The following ARSB variants were observed in gnomAD, a reference collection of about 807,000 sequenced individuals.
ARSB encodes N-acetylgalactosamine-4-sulfatase.
ARSB carries 41 observed loss-of-function variants against 50.9 expected under a neutral mutation model. That is an observed-to-expected ratio of 0.81 (90% CI 0.63 to 1.04). The LOEUF (loss-of-function observed/expected upper bound fraction) is 1.04, where lower values mean the gene tolerates loss of function less well. Ranked by LOEUF, ARSB falls within the 50% of genes least tolerant of loss-of-function variation. The pLI is 0.00. For missense variants in ARSB, 672 were observed against 693.3 expected, an observed-to-expected ratio of 0.97 and a Z score of 0.35; for synonymous variants, 269 against 284.8, an observed-to-expected ratio of 0.94 and a Z score of 0.56.
rs118203942 is a variant in ARSB at position 78,984,965 on chromosome 5, C to G, written c.284G>C (p.Arg95Pro). 2 of 1,488,542 alleles carry G rather than the reference C, an allele frequency of 1.3e-6. No homozygotes were observed. The highest frequency in any genetic ancestry group is 1.3e-5 in the South Asian group (1 of 75,108). The allele number at this position is 1,488,542 out of a possible 1,614,324, so 92.2% of individuals were successfully genotyped here. Residue 95 changes from arginine (R) to proline (P), a missense_variant, in exon 1 of 8, where the codon CGG (arginine) becomes CCG (proline). Physicochemically the swap from Arg to Pro is moderately radical, Grantham distance 103. Coordinates refer to ENST00000264914, the MANE Select transcript of ARSB (RefSeq NM_000046.5). Reference sequence around the variant, plus strand: ...GTAGCGGCCAGTGAGCAGCTGGCTCCGCGACGGCGTGCACAGCGGCTGCGT... The same window carrying G: ...GTAGCGGCCAGTGAGCAGCTGGCTCGGCGACGGCGTGCACAGCGGCTGCGT... ...YYTQPLCTPS[R>P]SQLLTGRYQI...
intron 6 of ARSB, among the ~76,000 whole-genome samples, chr5:78,833,153 A>C (rs1744771114): frequency 6.6e-6 from 1 of 152,046 alleles, no homozygotes; most frequent in South Asian, 2.1e-4. Context: ...TTGGGGCTGG[A>C]GCTCTCCTTG....
intron 6 of ARSB, among the ~76,000 whole-genome samples, chr5:78,799,048 A>C (rs756355089): frequency 4.6e-5 from 7 of 152,242 alleles, no homozygotes; most frequent in Non-Finnish European, 7.3e-5. Context: ...TATTTTGAGA[A>C]GTTATCAGGG....
chr5:78,924,683 T>C (rs914967886), intron 4 of ARSB, among the ~76,000 whole-genome samples: 1 of 152,240 alleles, frequency 6.6e-6, no homozygotes, highest in Non-Finnish European at 1.5e-5. Flanking sequence ...CCTCATGTAT[T>C]CTTTGAGTTA....
At chr5:78,799,315 T>C (rs1018859571) in intron 6 of ARSB, among the ~76,000 whole-genome samples, 3 of 152,216 alleles carry the variant, frequency 2.0e-5, no homozygotes, top group Non-Finnish European at 4.4e-5. Context: ...ACAGACATTC[T>C]GAGATTGCTG....
chr5:78,898,665 T>G (rs1435803096), intron 4 of ARSB, among the ~76,000 whole-genome samples: 1 of 152,244 alleles, frequency 6.6e-6, no homozygotes. Context: ...ACAAGTCTGA[T>G]GCAGGTCTCA....
chr5:78,818,598 C>CTTTTTTTTTTTTTTT, intron 6 of ARSB, among the ~76,000 whole-genome samples: 1 of 74,170 alleles, frequency 1.3e-5, no homozygotes, highest in Non-Finnish European at 2.4e-5. Context: ...AAATAAAGCT[C>CTTTTTTTTTTTTTTT]TTTTTTTTTT....
At chr5:78,917,740 T>A (rs1455497557) in intron 4 of ARSB, among the ~76,000 whole-genome samples, 2 of 152,216 alleles carry the variant, frequency 1.3e-5, no homozygotes, top group African/African-American at 2.4e-5. Context: ...CTCGAATTCC[T>A]AACCTCAAGT....
chr5:78,796,861 C>T lies in ARSB; in HGVS notation c.1214-14887G>A, dbSNP rs191597999. On this transcript the variant is annotated intron_variant, in intron 6 of 7. Coordinates refer to ENST00000264914, the MANE Select transcript of ARSB (RefSeq NM_000046.5). ...TAGAGACGGGGTTTCACCATGTTGG[C>T]CAGGATGGTCTCGATCTCTTTTTTT... Among the ~76,000 whole-genome samples the T allele has an allele frequency of 3.5e-3, 516 of 148,556 alleles. 2 individuals carry two copies. The highest frequency in any genetic ancestry group is 0.012 in the African/African-American group (492 of 39,828).
At position 78,885,692 on chromosome 5, in the gene ARSB, C is replaced by A. The variant is rs148067062; in HGVS notation, c.1034G>T (p.Arg345Leu). The A allele has an allele frequency of 5.0e-6, 8 of 1,614,036 alleles. No homozygotes were observed. Among genetic ancestry groups the A allele is most frequent in the Admixed American group, 1.7e-5 (1 of 59,992 alleles). The change falls in exon 5 of 8, where the codon CGG becomes CTG. Residue 345 changes from arginine to leucine, a missense_variant. By Grantham distance (102) the Arg-to-Leu change is moderately radical. Transcript: ENST00000264914. ...PLLKQKGVKN[R>L]ELIHISDWLP... ...CCAGTCAGAGATGTGGATGAGCTCC[C>A]GGTTCTTCACGCCCTTCTGCTTCAG...
intron 5 of ARSB, among the ~76,000 whole-genome samples, chr5:78,849,654 T>C (rs1581037931): frequency 6.6e-6 from 1 of 150,638 alleles, no homozygotes; most frequent in Non-Finnish European, 1.5e-5. Context: ...CCTTGGGCAG[T>C]ATGGCCATTT....
At chr5:78,936,830 T>A (rs1287357452) in intron 4 of ARSB, among the ~76,000 whole-genome samples, 1 of 152,122 alleles carries the variant, frequency 6.6e-6, no homozygotes, top group East Asian at 1.9e-4. Flanking sequence ...TAATAATTAG[T>A]TTGTCTTTGT....
intron 4 of ARSB, among the ~76,000 whole-genome samples, chr5:78,944,261 G>A (rs963427588): frequency 9.2e-5 from 14 of 152,186 alleles, no homozygotes; most frequent in South Asian, 2.1e-4. Flanking sequence ...ATCGTCTGAA[G>A]CCTTCTTCTC....
At chr5:78,785,469 T>C (rs1222822250) in intron 6 of ARSB, among the ~76,000 whole-genome samples, 7 of 152,208 alleles carry the variant, frequency 4.6e-5, no homozygotes, top group Non-Finnish European at 1.0e-4. Context: ...GTTAAAAATC[T>C]CTTCTATGAC....
chr5:78,912,896 A>C (rs1749370146), intron 4 of ARSB, among the ~76,000 whole-genome samples: 1 of 152,220 alleles, frequency 6.6e-6, no homozygotes, highest in Non-Finnish European at 1.5e-5. Context: ...AAGAATATTC[A>C]AGGCATTAGA....
intron 5 of ARSB, among the ~76,000 whole-genome samples, chr5:78,864,040 C>T (rs1746584208): frequency 6.6e-6 from 1 of 151,502 alleles, no homozygotes; most frequent in Non-Finnish European, 1.5e-5. Flanking sequence ...GCCTATGACA[C>T]AAGCAGGAGA....
At chr5:78,921,302 T>C (rs908653169) in intron 4 of ARSB, among the ~76,000 whole-genome samples, 2 of 152,104 alleles carry the variant, frequency 1.3e-5, no homozygotes, top group African/African-American at 4.8e-5. Flanking sequence ...ACTGGGCACA[T>C]GCGGCTAGAA....
intron 4 of ARSB, among the ~76,000 whole-genome samples, chr5:78,908,297 T>C (rs1191769535): frequency 6.6e-6 from 1 of 152,146 alleles, no homozygotes; most frequent in Non-Finnish European, 1.5e-5. Context: ...TCCACTCTCC[T>C]CTTGGTCTGC....
chr5:78,921,303 G>T (rs1396408554), intron 4 of ARSB, among the ~76,000 whole-genome samples: 2 of 152,092 alleles, frequency 1.3e-5, no homozygotes, highest in East Asian at 3.9e-4. Context: ...CTGGGCACAT[G>T]CGGCTAGAAA....
intron 1 of ARSB, among the ~76,000 whole-genome samples, chr5:78,974,051 CG>C (rs1752564755): frequency 6.6e-6 from 1 of 152,204 alleles, no homozygotes; most frequent in Non-Finnish European, 1.5e-5. Flanking sequence ...GCCTGTGCCT[CG>C]GCCAGTACAC....
Sources: gnomAD v4.1 joint callset for allele counts (sites outside exome capture counted in the v4.1 genomes callset) on GRCh38, gnomAD v4.1.1 for gene constraint, MANE v1.5 for transcripts, NCBI Gene and HGNC (gene_info 2026-07-23, HGNC 2026-07-21) for gene names.